The following SETDB1 variants were observed in gnomAD, a reference collection of about 807,000 sequenced individuals.
The protein encoded by SETDB1 is histone-lysine N-methyltransferase SETDB1.
In SETDB1, 31 loss-of-function variants were observed where a neutral mutation model predicts 137.4. The observed-to-expected ratio is 0.23, with a 90% confidence interval of 0.17 to 0.30. The LOEUF (loss-of-function observed/expected upper bound fraction) is 0.30. Ranked by LOEUF, SETDB1 falls within the 10% of genes least tolerant of loss-of-function variation. The pLI, the probability that SETDB1 is intolerant of heterozygous loss-of-function variation, is 1.00. For missense variants in SETDB1, 1,113 were observed against 1,631.5 expected (o/e 0.68, Z 5.47); for synonymous variants, 548 against 579.9 (o/e 0.95, Z 0.79).
intron 10 of SETDB1, 46 bp from the exon 11 acceptor site, chr1:150,949,076 G>T (rs587700464): frequency 6.4e-7 from 1 of 1,563,366 alleles, no homozygotes; most frequent in Non-Finnish European, 8.8e-7. Flanking sequence ...GAATACAAGC[G>T]TCATAGCTAT....
rs1231693194 is a variant in SETDB1 at position 150,929,968 on chromosome 1, G to A, written c.262G>A (p.Ala88Thr). The A allele has an allele frequency of 6.2e-7, 1 of 1,612,608 alleles. No homozygotes were observed. The highest frequency in any genetic ancestry group is 8.5e-7 in the Non-Finnish European group (1 of 1,179,450). The change falls in exon 3 of 22, where the codon GCA becomes ACA. Residue 88 changes from alanine (A) to threonine (T), a missense_variant and splice_region_variant. Transcript: ENST00000692827. Reference protein sequence around the residue: ...VDQLFDDASRAVTNCESLVKD... With the variant: ...VDQLFDDASRTVTNCESLVKD... ...TTTCTGCATGTGTTCCAATATTAGG[G>A]CAGTGACTAATTGTGAGTCTTTGGT...
intron 14 of SETDB1, among the ~76,000 whole-genome samples, chr1:150,955,329 C>A (rs1053702000): frequency 1.3e-5 from 2 of 152,138 alleles, no homozygotes; most frequent in African/African-American, 4.8e-5. Context: ...ATAATATAGT[C>A]CCTCTGCTGT....
chr1:150,964,114 A>AGG, intron 21 of SETDB1, 31 bp downstream of exon 21: 5 of 1,593,192 alleles, frequency 3.1e-6, no homozygotes, highest in Non-Finnish European at 4.3e-6. Context: ...ATGACTGGGG[A>AGG]GGGGCAAGGA....
chr1:150,964,195 G>T (rs1670917594), intron 21 of SETDB1, 52 bp from the exon 22 acceptor site: 1 of 1,555,892 alleles, frequency 6.4e-7, no homozygotes, highest in Non-Finnish European at 8.9e-7. Flanking sequence ...AACCCCAAGT[G>T]CCTGGGTTAT....
intron 5 of SETDB1, 91 bp from the exon 6 acceptor site, chr1:150,942,472 T>G: frequency 9.1e-7 from 1 of 1,098,500 alleles, no homozygotes; most frequent in East Asian, 2.5e-5. Flanking sequence ...ATTACCCCAC[T>G]TTCCCTAATT....
intron 3 of SETDB1, among the ~76,000 whole-genome samples, chr1:150,932,771 T>C (rs923530220): frequency 1.3e-5 from 2 of 152,188 alleles, no homozygotes; most frequent in African/African-American, 4.8e-5. Flanking sequence ...TTTAGACCTT[T>C]CTTCCTTTCT....
intron 8 of SETDB1, 58 bp downstream of exon 8, chr1:150,944,051 T>C: frequency 8.7e-7 from 1 of 1,148,612 alleles, no homozygotes; most frequent in Non-Finnish European, 1.3e-6. Flanking sequence ...GTATTTCTTC[T>C]TAGGACATCC....
chr1:150,956,497 C>T (rs995823297), intron 14 of SETDB1, among the ~76,000 whole-genome samples: 3 of 152,138 alleles, frequency 2.0e-5, no homozygotes, highest in Non-Finnish European at 4.4e-5. Flanking sequence ...AATTCCAGCC[C>T]TGCCCCTACT....
intron 1 of SETDB1, among the ~76,000 whole-genome samples, chr1:150,927,240 T>C (rs1669556107): frequency 6.6e-6 from 1 of 152,126 alleles, no homozygotes. Context: ...ATCCTCCCAC[T>C]TCAGCCTCCT....
chr1:150,935,907 C>T (rs587642936), intron 3 of SETDB1, among the ~76,000 whole-genome samples: 1 of 152,206 alleles, frequency 6.6e-6, no homozygotes, highest in Admixed American at 6.5e-5. Context: ...TGTCTCTTAT[C>T]TTTTTGTTGA....
In SETDB1 at chr1:150,949,104, A is replaced by G. The variant is rs368474601; in HGVS notation, c.1268-18A>G. 1.4e-5 allele frequency: 23 copies of G among 1,606,556 alleles called. No homozygotes were observed. The African/African-American group carries it at 2.7e-4, about 19-fold the overall frequency. On this transcript the variant is annotated intron_variant, in intron 10 of 21. Coordinates refer to ENST00000692827, the MANE Select transcript of SETDB1 (RefSeq NM_001366418.1). ...ATAGCTATCATCTTCTCAGTGCTCA[A>G]TTTCCTTTTTCCTATAGGTGCTGTG...
chr1:150,960,416 G>A, intron 15 of SETDB1, 147 bp from the exon 16 acceptor site: 1 of 641,198 alleles, frequency 1.6e-6, no homozygotes, highest in Non-Finnish European at 2.6e-6. Flanking sequence ...GGCAGAGGTT[G>A]CAGTGAGCCG....
intron 14 of SETDB1, among the ~76,000 whole-genome samples, chr1:150,953,197 G>T (rs1305623423): frequency 6.6e-6 from 1 of 152,154 alleles, no homozygotes; most frequent in African/African-American, 2.4e-5. Flanking sequence ...TTTGAGACCA[G>T]ACTGGGCAAC....
chr1:150,962,013 T>G, intron 16 of SETDB1, 117 bp from the exon 17 acceptor site: 1 of 1,249,472 alleles, frequency 8.0e-7, no homozygotes, highest in Non-Finnish European at 1.2e-6. Context: ...CCACCCCACT[T>G]TAGAATGTGT....
chr1:150,945,147 T>C, intron 9 of SETDB1, 39 bp downstream of exon 9: 1 of 1,610,534 alleles, frequency 6.2e-7, no homozygotes, highest in Non-Finnish European at 8.5e-7. Flanking sequence ...CAGAGGTTGG[T>C]GGGGGGGGAA....
rs772787563 is a variant in SETDB1 at position 150,962,177 on chromosome 1, G to GTT, written c.3161+22_3161+23dup. 3.1e-6 allele frequency: 5 copies of GTT among 1,612,798 alleles called. No homozygotes were observed. Among genetic ancestry groups the GTT allele is most frequent in the Non-Finnish European group, 4.2e-6 (5 of 1,178,896 alleles). ...TGTCAGTGTAAGTGCCTTTTGTTTT[G>GTT]TTTTGTTTTGAGACAGAGTCTTGCT... On this transcript the variant is annotated intron_variant, in intron 17 of 21. Transcript: ENST00000692827.
rs757929040 is a variant in SETDB1 at position 150,946,963 on chromosome 1, C to G, written c.1218C>G (p.Ala406=). The part of the protein sequence containing the change: ...EPMFSMKTSS[A]SALEKKQGQL... ...TGTTCAGCATGAAAACATCCTCAGC[C>G]TCTGCACTGGAGAAGAAGCAAGGAC... The change falls in exon 10 of 22, where the codon GCC becomes GCG. Residue 406 remains alanine (A), a synonymous_variant. Coordinates refer to ENST00000692827, the MANE Select transcript of SETDB1 (RefSeq NM_001366418.1). 2 of 1,614,088 alleles carry G rather than the reference C, an allele frequency of 1.2e-6. No homozygotes were observed. Among genetic ancestry groups the G allele is most frequent in the African/African-American group, 2.7e-5 (2 of 74,944 alleles).
chr1:150,942,446 CA>C (rs11430191), intron 5 of SETDB1, 116 bp from the exon 6 acceptor site: 71,669 of 658,824 alleles, frequency 0.11, 1 homozygote, highest in Non-Finnish European at 0.12. Context: ...GACTCCATCT[CA>C]AAAAAAAAAA....
Position 150,962,115 on chromosome 1 carries a change from C to T in SETDB1, c.3133-15C>T. 6.2e-7 allele frequency: 1 copy of T among 1,614,092 alleles called. No homozygotes were observed. The highest frequency in any genetic ancestry group is 8.5e-7 in the Non-Finnish European group (1 of 1,179,966). On this transcript the variant is annotated splice_polypyrimidine_tract_variant and intron_variant, in intron 16 of 21. Transcript: ENST00000692827. The stretch of plus-strand genomic sequence containing the variant: ...GGCTGTGAAAGCATTTAACCCTTCA[C>T]TTGTTCTTTTCCAGGACACTGACGA...
Sources: gnomAD v4.1 joint callset for allele counts (sites outside exome capture counted in the v4.1 genomes callset) on GRCh38, gnomAD v4.1.1 for gene constraint, MANE v1.5 for transcripts, NCBI Gene and HGNC (gene_info 2026-07-23, HGNC 2026-07-21) for gene names.